NSD1: variants seen among roughly 807,000 people sequenced by gnomAD.
NSD1 encodes the protein nuclear receptor binding SET domain protein 1.
Under a neutral mutation model 242.7 loss-of-function variants are expected in NSD1, and 26 were observed. The ratio of observed to expected loss-of-function variants is 0.11; its 90% CI spans 0.08 to 0.15. The LOEUF (loss-of-function observed/expected upper bound fraction) is 0.15. Among genes scored for constraint, NSD1 ranks in the 10% least tolerant of loss-of-function variants. The pLI is 1.00. For synonymous variants in NSD1, 1,106 were observed against 1,178.1 expected (o/e 0.94, Z 1.25); for missense variants, 2,495 against 3,272.8 (o/e 0.76, Z 5.80).
rs978281162 is a variant in NSD1, at chr5:177,233,236, T to A, written c.3797-2585T>A. On this transcript the variant is annotated intron_variant, in intron 5 of 22. Transcript: ENST00000439151. ...GCTACTATGCTTGGCTATTTTTTTT[T>A]ATTTTTATTTTTAGTAGAGATGGGG... is the stretch of plus-strand genomic sequence containing the variant. Among the ~76,000 whole-genome samples the A allele has an allele frequency of 3.7e-4, 56 of 152,096 alleles. 1 individual carries two copies. The highest frequency in any genetic ancestry group is 3.5e-4 in the Non-Finnish European group (24 of 68,022).
chr5:177,158,586 C>T (rs998714738), intron 2 of NSD1, among the ~76,000 whole-genome samples: 11 of 152,170 alleles, frequency 7.2e-5, no homozygotes, highest in Admixed American at 2.0e-4. Context: ...GATTCACCCA[C>T]CTCGGCCTCC....
At chr5:177,279,610 A>ATTTTTTTTTTTTTT (rs536478404) in intron 17 of NSD1, among the ~76,000 whole-genome samples, 1 of 95,416 alleles carries the variant, frequency 1.0e-5, no homozygotes, top group Non-Finnish European at 2.0e-5. Context: ...AGCTTTGAAA[A>ATTTTTTTTTTTTTT]TTTTTTTTTT....
intron 5 of NSD1, among the ~76,000 whole-genome samples, chr5:177,216,281 A>C (rs1191322428): frequency 1.3e-5 from 2 of 152,130 alleles, no homozygotes; most frequent in African/African-American, 2.4e-5. Flanking sequence ...CCCATTTTGT[A>C]CCTGCCTTTT....
chr5:177,183,230 A>T (rs576421950), intron 2 of NSD1, among the ~76,000 whole-genome samples: 1 of 152,302 alleles, frequency 6.6e-6, no homozygotes, highest in African/African-American at 2.4e-5. Flanking sequence ...TGTTATTTTT[A>T]ATATATAATG....
At chr5:177,160,142 C>G (rs1035050823) in intron 2 of NSD1, among the ~76,000 whole-genome samples, 2 of 152,068 alleles carry the variant, frequency 1.3e-5, no homozygotes, top group Non-Finnish European at 2.9e-5. Flanking sequence ...GTGCCTGCCT[C>G]CGCCTTCCCA....
chr5:177,196,081 CTGTTA>C (rs1195145106), intron 3 of NSD1, among the ~76,000 whole-genome samples: 2 of 152,134 alleles, frequency 1.3e-5, no homozygotes, highest in Admixed American at 1.3e-4. Flanking sequence ...TATCTCTGAT[CTGTTA>C]CTTGAGAGGA....
At chr5:177,228,231 A>G (rs527553645) in intron 5 of NSD1, among the ~76,000 whole-genome samples, 1 of 150,790 alleles carries the variant, frequency 6.6e-6, no homozygotes, top group South Asian at 2.1e-4. Context: ...ATTATAGTAT[A>G]TTGATAACAT....
At chr5:177,150,565 A>G (rs1345565879) in intron 2 of NSD1, among the ~76,000 whole-genome samples, 2 of 146,868 alleles carry the variant, frequency 1.4e-5, no homozygotes, top group African/African-American at 4.9e-5. Flanking sequence ...TAATACTTCT[A>G]AAGTTCCTTT....
In NSD1 at chr5:177,184,181, ATTT is replaced by A. The variant is rs1232074443; in HGVS notation, c.928-7700_928-7698del. Among the ~76,000 whole-genome samples, 6 of 152,222 alleles carry A rather than the reference ATTT, an allele frequency of 3.9e-5. No individual in the cohort carries two copies. In the East Asian group the frequency reaches 1.2e-3, roughly 29 times the overall value. ...GATTGCTGGATCAAATGGTAGCTCT[ATTT>A]TTAGTTTTTTGAGGAACCTCCAAAC... On this transcript the variant is annotated intron_variant, in intron 2 of 22. Coordinates refer to ENST00000439151, the MANE Select transcript of NSD1 (RefSeq NM_022455.5).
intron 2 of NSD1, chr5:177,136,324 A>T: frequency 3.8e-6 from 1 of 261,260 alleles, no homozygotes; most frequent in Non-Finnish European, 7.4e-6. Flanking sequence ...GTATACATAT[A>T]TGATTAAAAA....
intron 2 of NSD1, among the ~76,000 whole-genome samples, chr5:177,166,065 A>G (rs1197515463): frequency 6.6e-6 from 1 of 151,572 alleles, no homozygotes; most frequent in Admixed American, 6.6e-5. Context: ...ACGTGCTGCC[A>G]CGCCCAGCTA....
chr5:177,266,286 C>A, intron 14 of NSD1: 2 of 740,904 alleles, frequency 2.7e-6, no homozygotes, highest in East Asian at 2.7e-5. Context: ...ACCAAGTGGT[C>A]TAACTTGTTG....
intron 18 of NSD1, 142 bp downstream of exon 18, chr5:177,280,976 C>T: frequency 1.0e-6 from 1 of 966,958 alleles, no homozygotes; most frequent in East Asian, 2.6e-5. Context: ...CCATATCCTT[C>T]TACCGTTTAG....
intron 3 of NSD1, among the ~76,000 whole-genome samples, chr5:177,195,115 C>T (rs1385625079): frequency 1.1e-4 from 17 of 152,076 alleles, no homozygotes; most frequent in Admixed American, 1.1e-3. Context: ...TCCAAGATCA[C>T]ACTACTGCAC....
At chr5:177,241,509 A>T (rs532715448) in intron 8 of NSD1, among the ~76,000 whole-genome samples, 4 of 144,612 alleles carry the variant, frequency 2.8e-5, no homozygotes, top group South Asian at 4.3e-4. Flanking sequence ...TCTCTCTCTC[A>T]AAAAAAAAAA....
chr5:177,159,007 T>TATATATGAATG (rs1554173321), intron 2 of NSD1, among the ~76,000 whole-genome samples: 33 of 92,978 alleles, frequency 3.5e-4, no homozygotes, highest in African/African-American at 1.7e-3. Flanking sequence ...TTTATATATA[T>TATATATGAATG]ATATATATAT....
At chr5:177,186,967 T>C (rs924765654) in intron 2 of NSD1, among the ~76,000 whole-genome samples, 1 of 152,148 alleles carries the variant, frequency 6.6e-6, no homozygotes, top group African/African-American at 2.4e-5. Context: ...GTTTTAAATC[T>C]AGTTAGCTTT....
chr5:177,149,247 T>C (rs547736856), intron 2 of NSD1, among the ~76,000 whole-genome samples: 19 of 151,810 alleles, frequency 1.3e-4, no homozygotes, highest in African/African-American at 4.6e-4. Flanking sequence ...AGACGGAATG[T>C]TGCTCTTGTT....
intron 2 of NSD1, among the ~76,000 whole-genome samples, chr5:177,152,476 CTTTTTTTT>C (rs35553344): frequency 9.0e-6 from 1 of 110,516 alleles, no homozygotes; most frequent in African/African-American, 3.8e-5. Context: ...TCAAGCGATT[CTTTTTTTT>C]TTTTTTTTTT....
Sources: allele counts gnomAD v4.1 joint callset (sites outside exome capture counted in the v4.1 genomes callset), GRCh38; gene constraint gnomAD v4.1.1; transcripts MANE v1.5; gene names NCBI Gene and HGNC (gene_info 2026-07-23, HGNC 2026-07-21).